TRIP12: variants seen among roughly 807,000 people sequenced by gnomAD.
The protein encoded by TRIP12 is E3 ubiquitin-protein ligase TRIP12.
TRIP12 carries 25 observed loss-of-function variants against 244.2 expected under a neutral mutation model. That is an observed-to-expected ratio of 0.10 (90% CI 0.07 to 0.14). TRIP12 has a LOEUF of 0.14. Among genes scored for constraint, TRIP12 ranks in the 10% least tolerant of loss-of-function variants. The pLI is 1.00. For synonymous variants in TRIP12, 905 were observed against 873.1 expected (o/e 1.04, Z -0.64); for missense variants, 1,677 against 2,486.4 (o/e 0.67, Z 6.92).
chr2:229,830,884 C>T (rs1267435817), intron 6 of TRIP12, 45 bp from the exon 7 acceptor site: 7 of 1,583,160 alleles, frequency 4.4e-6, no homozygotes, highest in Non-Finnish European at 6.0e-6. Context: ...AGCACTTAAA[C>T]ACATTATGTC....
intron 4 of TRIP12, among the ~76,000 whole-genome samples, chr2:229,849,925 T>C (rs997832627): frequency 3.0e-4 from 33 of 108,784 alleles, no homozygotes; most frequent in Non-Finnish European, 4.4e-4. Context: ...ATTTTTGGCA[T>C]AATACACACC....
chr2:229,779,990 A>G (rs2037572482), intron 34 of TRIP12, among the ~76,000 whole-genome samples: 1 of 152,236 alleles, frequency 6.6e-6, no homozygotes, highest in Non-Finnish European at 1.5e-5. Context: ...CCTGTCAAGA[A>G]GGCAACATTT....
chr2:229,839,479 C>A (rs1376564643), intron 5 of TRIP12, among the ~76,000 whole-genome samples: 3 of 151,994 alleles, frequency 2.0e-5, no homozygotes, highest in Admixed American at 2.0e-4. Context: ...AGACCGAGAC[C>A]ATCCCGGTTA....
intron 1 of TRIP12, among the ~76,000 whole-genome samples, chr2:229,890,238 C>T (rs1325939340): frequency 6.6e-6 from 1 of 152,198 alleles, no homozygotes; most frequent in Non-Finnish European, 1.5e-5. Context: ...CACCACCACA[C>T]CCAGCTAATT....
chr2:229,883,699 C>T (rs1181304060), intron 1 of TRIP12, among the ~76,000 whole-genome samples: 2 of 152,054 alleles, frequency 1.3e-5, no homozygotes, highest in Non-Finnish European at 2.9e-5. Context: ...ACAGGAAAAA[C>T]AAAAAGGCTA....
At chr2:229,795,457 G>T in intron 25 of TRIP12, 127 bp from the exon 26 acceptor site, 1 of 1,160,100 alleles carries the variant, frequency 8.6e-7, no homozygotes, top group Non-Finnish European at 1.2e-6. Context: ...ATCTTTTATG[G>T]CAGATTTGGT....
At chr2:229,801,447 C>T (rs1289380220) in intron 21 of TRIP12, among the ~76,000 whole-genome samples, 1 of 152,154 alleles carries the variant, frequency 6.6e-6, no homozygotes, top group Non-Finnish European at 1.5e-5. Flanking sequence ...TTTTTGGACC[C>T]CACTTATTAT....
rs756482072 is a variant in TRIP12 at position 229,766,963 on chromosome 2, CA to C, written c.*590del. 2.0e-5 allele frequency: 3 copies of C among 151,708 alleles called. No homozygotes were observed. The highest frequency in any genetic ancestry group is 2.9e-5 in the Non-Finnish European group (2 of 67,972). The allele number at this position is 151,708 out of a possible 1,614,324, so 9.4% of individuals were successfully genotyped here. ...GATCTTAACTGGAGAGAACATGGGA[CA>C]ACAGAAGCCCATGGGTAACGAAAAT... is the stretch of plus-strand genomic sequence containing the variant. On this transcript the variant is annotated 3_prime_UTR_variant, in exon 42 of 42. Coordinates refer to ENST00000675903, the MANE Select transcript of TRIP12 (RefSeq NM_001348323.3).
At chr2:229,803,431 G>A (rs923430782) in intron 20 of TRIP12, 140 bp downstream of exon 20, 5 of 566,200 alleles carry the variant, frequency 8.8e-6, no homozygotes, top group African/African-American at 5.9e-5. Flanking sequence ...CACATTCTAC[G>A]TACACAGAGC....
rs1290237678 is a variant in TRIP12 at position 229,792,957 on chromosome 2, A to G, written c.4141+16T>C. On this transcript the variant is annotated intron_variant, in intron 27 of 41. Coordinates refer to ENST00000675903, the MANE Select transcript of TRIP12 (RefSeq NM_001348323.3). ...ATATACATATATAACACACGAAACA[A>G]ATATATGGAAAGTACCTCTAACTAC... The G allele has an allele frequency of 6.2e-7, 1 of 1,606,228 alleles. No homozygotes were observed. The highest frequency in any genetic ancestry group is 1.7e-5 in the Admixed American group (1 of 58,206).
At chr2:229,827,450 T>A (rs2052003893) in intron 8 of TRIP12, among the ~76,000 whole-genome samples, 2 of 152,090 alleles carry the variant, frequency 1.3e-5, no homozygotes, top group Non-Finnish European at 2.9e-5. Flanking sequence ...ATAAGCTTTT[T>A]CCTATTTTGA....
intron 1 of TRIP12, among the ~76,000 whole-genome samples, chr2:229,896,300 T>A (rs2068800158): frequency 6.6e-6 from 1 of 152,238 alleles, no homozygotes; most frequent in East Asian, 1.9e-4. Flanking sequence ...CTGTTTTACT[T>A]TGTAAAACAG....
intron 4 of TRIP12, among the ~76,000 whole-genome samples, chr2:229,849,935 C>CA (rs34774134): frequency 0.46 from 66,040 of 143,608 alleles, 14,967 homozygotes; most frequent in Admixed American, 0.52. Flanking sequence ...TAATACACAC[C>CA]AAAAAAAAAA....
chr2:229,798,862 C>T lies in TRIP12; in HGVS notation c.3482+13G>A, dbSNP rs747119456. The T allele has an allele frequency of 2.5e-6, 4 of 1,609,318 alleles. No individual in the cohort carries two copies. The African/African-American group carries it at 5.4e-5, about 22-fold the overall frequency. ...ATGGGAATAGAAGAAACATAAAACTCCCCCCACTTCACCTATTATTGGAGA... is the reference window on the plus strand; with the variant it reads ...ATGGGAATAGAAGAAACATAAAACTTCCCCCACTTCACCTATTATTGGAGA... On this transcript the variant is annotated intron_variant, in intron 23 of 41. Transcript: ENST00000675903.
intron 1 of TRIP12, among the ~76,000 whole-genome samples, chr2:229,903,549 T>C (rs528754681): frequency 3.8e-4 from 58 of 152,020 alleles, no homozygotes; most frequent in South Asian, 1.2e-3. Context: ...GAGGTGGCCA[T>C]GTAGGAGCCT....
At position 229,792,038 on chromosome 2, in the gene TRIP12, C is replaced by G. The variant is rs763408388; in HGVS notation, c.4243G>C (p.Val1415Leu). ...LAAQFLNSGNVRHRLQFYIGE... is the reference protein window; with the variant it reads ...LAAQFLNSGNLRHRLQFYIGE... ...ATATAAAACTGCAGCCTGTGTCTTA[C>G]ATTTCCTGAATTTAGGAACTGAGCA... Residue 1415 changes from valine to leucine, a missense_variant, in exon 29 of 42, where the codon GTA becomes CTA. By Grantham distance (32) the Val-to-Leu change is conservative. Transcript: ENST00000675903. 1 of 1,613,964 alleles carries G rather than the reference C, an allele frequency of 6.2e-7. No individual in the cohort carries two copies. Among genetic ancestry groups the G allele is most frequent in the Non-Finnish European group, 8.5e-7 (1 of 1,179,984 alleles).
At chr2:229,872,104 T>TAAAAAAAAAAAAAAAAAAAAAAAAAAAAA (rs34496202) in intron 2 of TRIP12, among the ~76,000 whole-genome samples, 1 of 105,278 alleles carries the variant, frequency 9.5e-6, no homozygotes, top group African/African-American at 3.5e-5. Context: ...ACAGATATTG[T>TAAAAAAAAAAAAAAAAAAAAAAAAAAAAA]AAAAAAAAAA....
At chr2:229,922,553 G>A (rs759036863), upstream of TRIP12, 4 of 1,614,076 alleles carry the variant, frequency 2.5e-6, no homozygotes, top group South Asian at 3.3e-5. Flanking sequence ...TGAAACTGTA[G>A]GACAAGGCCC....
At chr2:229,911,621 A>G (rs887230348) in intron 1 of TRIP12, among the ~76,000 whole-genome samples, 17 of 152,168 alleles carry the variant, frequency 1.1e-4, no homozygotes, top group African/African-American at 4.1e-4. Flanking sequence ...AGTGTCTGTG[A>G]TGATGGTATG....
Sources: gnomAD v4.1 joint callset for allele counts (sites outside exome capture counted in the v4.1 genomes callset) on GRCh38, gnomAD v4.1.1 for gene constraint, MANE v1.5 for transcripts, NCBI Gene and HGNC (gene_info 2026-07-23, HGNC 2026-07-21) for gene names.